The following CFAP20DC variants were observed in gnomAD, a reference collection of about 807,000 sequenced individuals.
CFAP20DC encodes protein CFAP20DC.
Under a neutral mutation model 101.7 loss-of-function variants are expected in CFAP20DC, and 84 were observed. The observed-to-expected ratio is 0.83, with a 90% CI of 0.69 to 0.99. CFAP20DC has a LOEUF of 0.99. CFAP20DC is among the 50% of genes least tolerant of loss of function. The pLI is 0.00. For missense variants in CFAP20DC, 1,007 were observed against 970.3 expected (o/e 1.04, Z -0.50); for synonymous variants, 359 against 351.2 (o/e 1.02, Z -0.25).
At chr3:58,742,663 C>A in intron 16 of CFAP20DC, 91 bp from the exon 17 acceptor site, 1 of 834,516 alleles carries the variant, frequency 1.2e-6, no homozygotes, top group Non-Finnish European at 1.8e-6. Flanking sequence ...ACCATCTCTC[C>A]TGGGGGATTT....
intron 12 of CFAP20DC, among the ~76,000 whole-genome samples, chr3:58,853,931 G>C (rs1301792898): frequency 6.6e-6 from 1 of 151,594 alleles, no homozygotes; most frequent in African/African-American, 2.4e-5. Flanking sequence ...GCACAAGACA[G>C]GGATGCCCTC....
chr3:58,815,089 A>G (rs1221929378), intron 14 of CFAP20DC, among the ~76,000 whole-genome samples: 5 of 151,232 alleles, frequency 3.3e-5, no homozygotes, highest in African/African-American at 4.9e-5. Flanking sequence ...GAGGCATCAC[A>G]CTACCTGACT....
chr3:59,006,706 T>C lies in CFAP20DC; in HGVS notation c.278+32851A>G, dbSNP rs1177304237. On this transcript the variant is annotated intron_variant, in intron 4 of 16. Coordinates refer to ENST00000482387, the MANE Select transcript of CFAP20DC (RefSeq NM_001394063.1). This position sits in a 1 kb window ranked among gnomAD's most constrained non-coding sequence, Gnocchi z 4.3. ...GGAAGCCAACCCTGACAATATCTCA[T>C]AGAGGCCCTAGGGGAAGACAGCCAG... Among the ~76,000 whole-genome samples the C allele has an allele frequency of 6.6e-6, 1 of 152,094 alleles. No homozygotes were observed. Among genetic ancestry groups the C allele is most frequent in the Non-Finnish European group, 1.5e-5 (1 of 68,018 alleles).
chr3:58,721,576 G>A lies in CFAP20DC; in HGVS notation c.198-3948C>T, dbSNP rs1408697719. ...CAAGTCGTAGCACCCAAGACCCCAG[G>A]GTAGGAGAGCCCAGGGGAAAGTAAA... On this transcript the variant is annotated intron_variant, in intron 3 of 3. Transcript: ENST00000486145. This position sits in a 1 kb window ranked among gnomAD's most constrained non-coding sequence, Gnocchi z 5.2. Among the ~76,000 whole-genome samples the A allele has an allele frequency of 6.6e-6, 1 of 152,126 alleles. No homozygotes were observed. Among genetic ancestry groups the A allele is most frequent in the Non-Finnish European group, 1.5e-5 (1 of 68,022 alleles).
At chr3:58,744,862 A>G (rs1362709175) in intron 16 of CFAP20DC, among the ~76,000 whole-genome samples, 1 of 152,166 alleles carries the variant, frequency 6.6e-6, no homozygotes, top group Non-Finnish European at 1.5e-5. Context: ...AGAGTGGGGC[A>G]ACGATTTGTG....
At chr3:58,921,208 G>C (rs1576313379) in intron 5 of CFAP20DC, among the ~76,000 whole-genome samples, 2 of 151,538 alleles carry the variant, frequency 1.3e-5, no homozygotes, top group South Asian at 4.2e-4. Flanking sequence ...CCAATTTTTG[G>C]TTTCATTAAT....
chr3:58,731,141 T>G (rs1201168838), intron 3 of CFAP20DC, among the ~76,000 whole-genome samples: 1 of 152,244 alleles, frequency 6.6e-6, no homozygotes, highest in African/African-American at 2.4e-5. Context: ...TCTGAAACTT[T>G]CCTTTCGTGG....
At chr3:58,822,976 A>T (rs185288312) in intron 14 of CFAP20DC, among the ~76,000 whole-genome samples, 162 of 152,288 alleles carry the variant, frequency 1.1e-3, no homozygotes, top group Non-Finnish European at 2.2e-4. Flanking sequence ...CACAGAGAAG[A>T]ATCTGAACAA....
At chr3:58,785,408 G>A (rs2107599300) in intron 15 of CFAP20DC, among the ~76,000 whole-genome samples, 1 of 152,188 alleles carries the variant, frequency 6.6e-6, no homozygotes, top group South Asian at 2.1e-4. Context: ...AAATGTATAT[G>A]TCAAAGTAGC....
intron 5 of CFAP20DC, among the ~76,000 whole-genome samples, chr3:58,923,310 G>A (rs1559829471): frequency 6.6e-6 from 1 of 151,976 alleles, no homozygotes; most frequent in Non-Finnish European, 1.5e-5. Flanking sequence ...TACCATTACT[G>A]GCATTCTTTG....
Position 58,894,976 on chromosome 3 carries a change from G to A in CFAP20DC, c.551-10267C>T, listed in dbSNP as rs966124456. On this transcript the variant is annotated intron_variant, in intron 6 of 16. Coordinates refer to ENST00000482387, the MANE Select transcript of CFAP20DC (RefSeq NM_001394063.1). The surrounding 1 kb of genome is among the most constrained non-coding windows in gnomAD (Gnocchi z 4.1). ...GGCCTAAGCTCTATGTTGGCCCCTT[G>A]TAGCCATGGCTGGAGCAGCTGGGTC... 1.3e-5 allele frequency among the ~76,000 whole-genome samples: 2 copies of A among 152,230 alleles called. No homozygotes were observed. Among genetic ancestry groups the A allele is most frequent in the Admixed American group, 1.3e-4 (2 of 15,284 alleles).
intron 15 of CFAP20DC, among the ~76,000 whole-genome samples, chr3:58,769,316 T>A (rs2070616798): frequency 6.6e-6 from 1 of 152,120 alleles, no homozygotes; most frequent in Non-Finnish European, 1.5e-5. Flanking sequence ...GAGAGCAGCA[T>A]GAAGGGTGGA....
intron 4 of CFAP20DC, among the ~76,000 whole-genome samples, chr3:58,981,994 C>A (rs1300973587): frequency 7.9e-5 from 12 of 152,052 alleles, no homozygotes; most frequent in Admixed American, 7.9e-4. Flanking sequence ...CTACAATGAA[C>A]TCAAACAAAT....
chr3:58,735,011 G>C (rs1050673345), intron 3 of CFAP20DC, among the ~76,000 whole-genome samples: 1 of 152,112 alleles, frequency 6.6e-6, no homozygotes, highest in Non-Finnish European at 1.5e-5. Context: ...AAAGAGACCT[G>C]ACTCACCAGG....
Position 59,001,314 on chromosome 3 carries a change from G to A in CFAP20DC, c.278+38243C>T, listed in dbSNP as rs2093303461. On this transcript the variant is annotated intron_variant, in intron 4 of 16. Transcript: ENST00000482387. This position sits in a 1 kb window ranked among gnomAD's most constrained non-coding sequence, Gnocchi z 4.5. ...TCTATAGGACTGTATAGATCACCAA[G>A]AAGGCATACCACTAGAGGAAAGGGG... Among the ~76,000 whole-genome samples, 2 of 152,092 alleles carry A rather than the reference G, an allele frequency of 1.3e-5. No individual in the cohort carries two copies. Among genetic ancestry groups the A allele is most frequent in the African/African-American group, 2.4e-5 (1 of 41,392 alleles).
chr3:58,944,460 T>C (rs1178228613), intron 4 of CFAP20DC, among the ~76,000 whole-genome samples: 2 of 152,214 alleles, frequency 1.3e-5, no homozygotes, highest in Non-Finnish European at 2.9e-5. Context: ...GTTACCATTC[T>C]GTCTTTGAAC....
chr3:58,868,314 G>C lies in CFAP20DC; in HGVS notation c.1016-378C>G, dbSNP rs528371351. 1.2e-3 allele frequency among the ~76,000 whole-genome samples: 185 copies of C among 152,220 alleles called. No individual in the cohort carries two copies. Among genetic ancestry groups the C allele is most frequent in the African/African-American group, 4.2e-3 (173 of 41,536 alleles). On this transcript the variant is annotated intron_variant, in intron 9 of 16. Coordinates refer to ENST00000482387, the MANE Select transcript of CFAP20DC (RefSeq NM_001394063.1). The surrounding 1 kb of genome is among the most constrained non-coding windows in gnomAD (Gnocchi z 4.6). Reference sequence around the variant, plus strand: ...GTGTCGATAACTATACTTTCAACAAGAGCATAGAGAGCAGCTTCCAAAAGA... The same window carrying C: ...GTGTCGATAACTATACTTTCAACAACAGCATAGAGAGCAGCTTCCAAAAGA...
chr3:59,047,756 T>C (rs1699980015), intron 1 of CFAP20DC, among the ~76,000 whole-genome samples: 1 of 152,172 alleles, frequency 6.6e-6, no homozygotes, highest in African/African-American at 2.4e-5. Flanking sequence ...ATTCTCCATC[T>C]GTAAAATGGG....
intron 14 of CFAP20DC, among the ~76,000 whole-genome samples, chr3:58,813,297 C>G (rs1166757151): frequency 6.6e-6 from 1 of 151,918 alleles, no homozygotes; most frequent in Non-Finnish European, 1.5e-5. Context: ...GGAACTTGAT[C>G]TTTTTCCTTT....
Sources: gnomAD v4.1 joint callset for allele counts (sites outside exome capture counted in the v4.1 genomes callset) on GRCh38, gnomAD v4.1.1 for gene constraint, Gnocchi (gnomAD v3.1) non-coding constraint, MANE v1.5 for transcripts, NCBI Gene and HGNC (gene_info 2026-07-23, HGNC 2026-07-21) for gene names.